MAP2: variants seen among roughly 807,000 people sequenced by gnomAD.
MAP2 encodes microtubule-associated protein 2.
In MAP2, 14 loss-of-function variants were observed where a neutral mutation model predicts 137.6. The ratio of observed to expected loss-of-function variants is 0.10; its 90% CI spans 0.07 to 0.16. MAP2 has a LOEUF of 0.16. Ranked by LOEUF, MAP2 falls within the 10% of genes least tolerant of loss-of-function variation. The pLI, the probability that MAP2 is intolerant of heterozygous loss-of-function variation, is 1.00. For missense variants in MAP2, 2,088 were observed against 2,191.5 expected (o/e 0.95, Z 0.94); for synonymous variants, 786 against 782.3 (o/e 1.00, Z -0.08).
intron 4 of MAP2, among the ~76,000 whole-genome samples, chr2:209,640,018 T>G (rs1015848511): frequency 6.6e-6 from 1 of 152,028 alleles, no homozygotes; most frequent in Admixed American, 6.6e-5. Context: ...AGCCCAAGTC[T>G]CAAAAACAAA....
chr2:209,688,090 G>A (rs2057664360), intron 7 of MAP2, among the ~76,000 whole-genome samples: 1 of 152,104 alleles, frequency 6.6e-6, no homozygotes, highest in Non-Finnish European at 1.5e-5. Context: ...TGAAAGTGAA[G>A]TTCCTATATA....
intron 4 of MAP2, among the ~76,000 whole-genome samples, chr2:209,644,940 A>G (rs2094319840): frequency 6.6e-6 from 1 of 152,170 alleles, no homozygotes; most frequent in Non-Finnish European, 1.5e-5. Context: ...AAAATTCATC[A>G]ATAGCTCAGA....
At chr2:209,593,450 C>G in intron 3 of MAP2, among the ~76,000 whole-genome samples, 1 of 147,116 alleles carries the variant, frequency 6.8e-6, no homozygotes, top group Non-Finnish European at 1.5e-5. Context: ...ACTGTGAAGG[C>G]TGACTAATGG....
At chr2:209,480,729 TAA>T in intron 1 of MAP2, among the ~76,000 whole-genome samples, 1 of 152,334 alleles carries the variant, frequency 6.6e-6, no homozygotes, top group Non-Finnish European at 1.5e-5. Context: ...GAAAAAATTT[TAA>T]AGAGTTTAGA....
intron 2 of MAP2, among the ~76,000 whole-genome samples, chr2:209,562,372 A>G (rs187736953): frequency 1.3e-5 from 2 of 151,698 alleles, no homozygotes; most frequent in Non-Finnish European, 2.9e-5. Context: ...AAAGGTAGCT[A>G]CACACTGGGG....
chr2:209,585,707 C>T (rs1173934090), intron 3 of MAP2, among the ~76,000 whole-genome samples: 2 of 152,132 alleles, frequency 1.3e-5, no homozygotes, highest in African/African-American at 4.8e-5. Context: ...TTCACTATCA[C>T]CATAATGCTG....
intron 3 of MAP2, 125 bp from the exon 4 acceptor site, chr2:209,624,928 C>G (rs886488926): frequency 6.6e-6 from 1 of 152,118 alleles, no homozygotes; most frequent in African/African-American, 2.4e-5. Context: ...ATGATGATAT[C>G]CATCTCATAG....
At chr2:209,520,690 T>A (rs1466115674) in intron 2 of MAP2, among the ~76,000 whole-genome samples, 2 of 152,102 alleles carry the variant, frequency 1.3e-5, no homozygotes, top group Non-Finnish European at 2.9e-5. Context: ...GCCCATTCCT[T>A]AGCAAGATGA....
At chr2:209,577,888 C>A (rs2153388029) in intron 2 of MAP2, among the ~76,000 whole-genome samples, 1 of 152,296 alleles carries the variant, frequency 6.6e-6, no homozygotes, top group African/African-American at 2.4e-5. Context: ...GACATAATTA[C>A]CCCAGATTCC....
chr2:209,575,477 C>T (rs1214326837), intron 2 of MAP2, among the ~76,000 whole-genome samples: 4 of 136,094 alleles, frequency 2.9e-5, no homozygotes, highest in South Asian at 4.9e-4. Context: ...GCCGAGATCG[C>T]GCCACTGCAC....
rs116672447 is a variant in MAP2 at position 209,719,944 on chromosome 2, G to A, written c.5074-5765G>A. On this transcript the variant is annotated intron_variant, in intron 13 of 15. Coordinates refer to ENST00000682079, the MANE Select transcript of MAP2 (RefSeq NM_001375505.1). ...TCCTTTTTTGCAAGCTCCCACTGGAGGTATTGATTGCACCAAACCTTAAAG... is the reference window on the plus strand; with the variant it reads ...TCCTTTTTTGCAAGCTCCCACTGGAAGTATTGATTGCACCAAACCTTAAAG... Among the ~76,000 whole-genome samples, 47 of 152,212 alleles carry A rather than the reference G, an allele frequency of 3.1e-4. 1 individual carries two copies. Among genetic ancestry groups the A allele is most frequent in the African/African-American group, 1.1e-3 (46 of 41,532 alleles).
intron 1 of MAP2, among the ~76,000 whole-genome samples, chr2:209,498,584 C>T (rs559377667): frequency 6.6e-6 from 1 of 152,368 alleles, no homozygotes; most frequent in East Asian, 1.9e-4. Context: ...GCCTGGGCAT[C>T]CAGGCTTTTC....
chr2:209,554,097 G>A (rs954412620), intron 2 of MAP2, among the ~76,000 whole-genome samples: 4 of 152,144 alleles, frequency 2.6e-5, no homozygotes, highest in Non-Finnish European at 5.9e-5. Flanking sequence ...GAGAATGAAG[G>A]CATGACAGAA....
chr2:209,574,724 T>G (rs1007170350), intron 2 of MAP2, among the ~76,000 whole-genome samples: 1 of 152,222 alleles, frequency 6.6e-6, no homozygotes, highest in Non-Finnish European at 1.5e-5. Flanking sequence ...ACTTTTTGTC[T>G]TTTTTGACCA....
Position 209,694,194 on chromosome 2 carries a change from G to A in MAP2, c.2024G>A (p.Ser675Asn), listed in dbSNP as rs766835859. The A allele has an allele frequency of 1.2e-6, 2 of 1,614,148 alleles. No homozygotes were observed. Residue 675 changes from serine to asparagine, a missense_variant, in exon 8 of 16, where the codon AGT (serine) becomes AAT (asparagine). Ser to Asn is a conservative substitution (Grantham distance 46, BLOSUM62 1). Transcript: ENST00000682079. ...KVYGEKRDLH[S>N]KNKDDLTLSR... is the part of the protein sequence containing the mutation. ...TATGGAGAGAAAAGGGACCTCCACA[G>A]TAAGAATAAGGATGATTTGACCCTT...
At chr2:209,662,558 G>C (rs2044155808) in intron 5 of MAP2, among the ~76,000 whole-genome samples, 1 of 151,848 alleles carries the variant, frequency 6.6e-6, no homozygotes, top group Admixed American at 6.6e-5. Context: ...CCAAGATCTT[G>C]TTAAGTTTTC....
chr2:209,709,169 C>A (rs1181575463), intron 12 of MAP2, among the ~76,000 whole-genome samples: 1 of 152,046 alleles, frequency 6.6e-6, no homozygotes, highest in Non-Finnish European at 1.5e-5. Context: ...CTCTAAACTG[C>A]CAAGCTAGTG....
rs73065180 is a variant in MAP2 at position 209,432,816 on chromosome 2, G to A, written c.-222+8540G>A. 3.0e-3 allele frequency among the ~76,000 whole-genome samples: 454 copies of A among 152,226 alleles called. 4 individuals carry two copies. The highest frequency in any genetic ancestry group is 9.6e-3 in the African/African-American group (399 of 41,522). On this transcript the variant is annotated intron_variant, in intron 1 of 15. Transcript: ENST00000682079. ...TACAGGGAATAAAACCACCTGGATT[G>A]TATATCAAGAGTCAACACATATAAA...
intron 5 of MAP2, among the ~76,000 whole-genome samples, chr2:209,670,192 A>G (rs1433081264): frequency 2.0e-5 from 3 of 152,040 alleles, no homozygotes; most frequent in Non-Finnish European, 4.4e-5. Flanking sequence ...TCTCAAGTTA[A>G]GATTGATAAA....
Sources: gnomAD v4.1 joint callset for allele counts (sites outside exome capture counted in the v4.1 genomes callset) on GRCh38, gnomAD v4.1.1 for gene constraint, MANE v1.5 for transcripts, NCBI Gene and HGNC (gene_info 2026-07-23, HGNC 2026-07-21) for gene names.